Variants in LHFPL3 observed in about 807,000 individuals in gnomAD.
LHFPL3 encodes LHFPL tetraspan subfamily member 3 protein.
Under a neutral mutation model 19.3 loss-of-function variants are expected in LHFPL3, and 5 were observed. That is an observed-to-expected ratio of 0.26 (90% confidence interval 0.14 to 0.54). The LOEUF (loss-of-function observed/expected upper bound fraction) is 0.54, where lower values mean the gene tolerates loss of function less well. LHFPL3 is among the 20% of genes least tolerant of loss of function. The pLI is 0.94. For missense variants in LHFPL3, 249 were observed against 307.4 expected (o/e 0.81, Z 1.42); for synonymous variants, 133 against 126.2 (o/e 1.05, Z -0.36).
At chr7:104,885,083 G>A (rs540085269) in intron 2 of LHFPL3, among the ~76,000 whole-genome samples, 1 of 152,316 alleles carries the variant, frequency 6.6e-6, no homozygotes, top group South Asian at 2.1e-4. Flanking sequence ...TGGACTAGTG[G>A]AAAACAGACC....
chr7:104,489,726 A>G (rs1793304421), intron 1 of LHFPL3, among the ~76,000 whole-genome samples: 1 of 152,056 alleles, frequency 6.6e-6, no homozygotes, highest in Non-Finnish European at 1.5e-5. Flanking sequence ...GAACTGGCCC[A>G]GTGAAAACCG....
chr7:104,447,426 A>T (rs1792350404), intron 1 of LHFPL3, among the ~76,000 whole-genome samples: 1 of 152,216 alleles, frequency 6.6e-6, no homozygotes, highest in South Asian at 2.1e-4. Flanking sequence ...AAACTATTGA[A>T]CTAGGTGAGT....
intron 2 of LHFPL3, among the ~76,000 whole-genome samples, chr7:104,870,591 G>A (rs904550262): frequency 3.3e-5 from 5 of 152,210 alleles, no homozygotes; most frequent in African/African-American, 1.2e-4. Context: ...TCAGCCAGGT[G>A]GAGACAACAG....
At chr7:104,622,269 T>G (rs1208926216) in intron 1 of LHFPL3, among the ~76,000 whole-genome samples, 1 of 152,044 alleles carries the variant, frequency 6.6e-6, no homozygotes, top group Non-Finnish European at 1.5e-5. Flanking sequence ...GCCACCACAC[T>G]CAGCTCATTT....
chr7:104,598,170 G>A (rs1790899682), intron 1 of LHFPL3, among the ~76,000 whole-genome samples: 1 of 152,254 alleles, frequency 6.6e-6, no homozygotes, highest in African/African-American at 2.4e-5. Flanking sequence ...AATTAATCCT[G>A]CTTGTGCCTT....
intron 1 of LHFPL3, among the ~76,000 whole-genome samples, chr7:104,464,927 G>A (rs1792748758): frequency 6.6e-6 from 1 of 152,202 alleles, no homozygotes; most frequent in Non-Finnish European, 1.5e-5. Context: ...CCCAGAAAAT[G>A]GAGTTTCTTT....
At chr7:104,463,325 T>C (rs892861849) in intron 1 of LHFPL3, among the ~76,000 whole-genome samples, 1 of 152,218 alleles carries the variant, frequency 6.6e-6, no homozygotes, top group African/African-American at 2.4e-5. Flanking sequence ...AGATGTGATA[T>C]TGGATTATTA....
chr7:104,557,287 G>T (rs972616990), intron 1 of LHFPL3, among the ~76,000 whole-genome samples: 1 of 152,182 alleles, frequency 6.6e-6, no homozygotes, highest in Non-Finnish European at 1.5e-5. Flanking sequence ...AGAAGAAAAA[G>T]AGGTTTAATG....
At chr7:104,562,961 T>C (rs1209068388) in intron 1 of LHFPL3, among the ~76,000 whole-genome samples, 23 of 151,730 alleles carry the variant, frequency 1.5e-4, no homozygotes, top group South Asian at 4.2e-4. Flanking sequence ...TCAGTGTGCC[T>C]CTGCTGGGGG....
At chr7:104,809,365 G>T (rs1161701267) in intron 2 of LHFPL3, among the ~76,000 whole-genome samples, 1 of 152,224 alleles carries the variant, frequency 6.6e-6, no homozygotes, top group African/African-American at 2.4e-5. Context: ...TAGTACATGT[G>T]CTGAAGTGAA....
At chr7:104,602,965 T>A (rs1015200777) in intron 1 of LHFPL3, among the ~76,000 whole-genome samples, 1 of 152,206 alleles carries the variant, frequency 6.6e-6, no homozygotes, top group Non-Finnish European at 1.5e-5. Context: ...ATTAATCATA[T>A]TCATGAGGCC....
intron 2 of LHFPL3, among the ~76,000 whole-genome samples, chr7:104,889,912 A>T (rs1405906688): frequency 6.6e-6 from 1 of 152,238 alleles, no homozygotes; most frequent in African/African-American, 2.4e-5. Flanking sequence ...TCAAAATTAT[A>T]CATGTTCAAT....
chr7:104,500,281 G>C (rs989920686), intron 1 of LHFPL3, among the ~76,000 whole-genome samples: 2 of 152,166 alleles, frequency 1.3e-5, no homozygotes, highest in African/African-American at 4.8e-5. Context: ...ATATCTCCGT[G>C]ATTCCTTCTA....
At position 104,600,025 on chromosome 7, in the gene LHFPL3, C is replaced by A. The variant is rs1039410293; in HGVS notation, c.446-136650C>A. On this transcript the variant is annotated intron_variant, in intron 1 of 2. Transcript: ENST00000424859. ...TAGCTTCCCCTTCCTATGCTAGAAG[C>A]CTCAGATGAGGAAGTATGGCTCATC... Among the ~76,000 whole-genome samples, 42 of 152,188 alleles carry A rather than the reference C, an allele frequency of 2.8e-4. 1 individual carries two copies. Among genetic ancestry groups the A allele is most frequent in the Admixed American group, 2.5e-3 (38 of 15,282 alleles).
At chr7:104,712,137 C>A (rs781036387) in intron 1 of LHFPL3, among the ~76,000 whole-genome samples, 2 of 152,056 alleles carry the variant, frequency 1.3e-5, no homozygotes, top group Non-Finnish European at 2.9e-5. Flanking sequence ...TCATATAAGT[C>A]CTTAAAAGTA....
At chr7:104,523,948 A>G (rs1794132233) in intron 1 of LHFPL3, among the ~76,000 whole-genome samples, 1 of 152,222 alleles carries the variant, frequency 6.6e-6, no homozygotes, top group Non-Finnish European at 1.5e-5. Flanking sequence ...ATTATTTAAA[A>G]AATTCCTTCA....
chr7:104,809,672 AG>A (rs1584546508), intron 2 of LHFPL3, among the ~76,000 whole-genome samples: 1 of 152,384 alleles, frequency 6.6e-6, no homozygotes, highest in African/African-American at 2.4e-5. Flanking sequence ...TAATATATAT[AG>A]TACCAAATGA....
At chr7:104,440,032 GC>G (rs1350824863) in intron 1 of LHFPL3, among the ~76,000 whole-genome samples, 2 of 111,240 alleles carry the variant, frequency 1.8e-5, no homozygotes, top group Non-Finnish European at 3.5e-5. Flanking sequence ...ATAATACAAA[GC>G]CTGGGGGGGG....
chr7:104,522,737 AT>A (rs746475634), intron 1 of LHFPL3, among the ~76,000 whole-genome samples: 36 of 152,194 alleles, frequency 2.4e-4, no homozygotes, highest in South Asian at 6.2e-4. Context: ...TGTAAAGAGG[AT>A]TTTATTTGAA....
Sources: allele counts gnomAD v4.1 joint callset (sites outside exome capture counted in the v4.1 genomes callset), GRCh38; gene constraint gnomAD v4.1.1; transcripts MANE v1.5; gene names NCBI Gene and HGNC (gene_info 2026-07-23, HGNC 2026-07-21).